The following ACBD5 variants were observed in gnomAD, a reference collection of about 807,000 sequenced individuals.
The protein encoded by ACBD5 is acyl-CoA binding domain containing 5.
ACBD5 carries 40 observed loss-of-function variants against 71.8 expected under a neutral mutation model. The observed-to-expected ratio is 0.56, with a 90% confidence interval of 0.43 to 0.72. The LOEUF (loss-of-function observed/expected upper bound fraction) is 0.72. ACBD5 is among the 30% of genes least tolerant of loss of function. The pLI, the probability that ACBD5 is intolerant of heterozygous loss-of-function variation, is 0.00. For synonymous variants in ACBD5, 229 were observed against 218.6 expected, an observed-to-expected ratio of 1.05 and a Z score of -0.42; for missense variants, 559 against 644.5, an observed-to-expected ratio of 0.87 and a Z score of 1.44.
chr10:27,230,587 C>T (rs531861612), intron 4 of ACBD5, among the ~76,000 whole-genome samples: 2 of 151,948 alleles, frequency 1.3e-5, no homozygotes, highest in South Asian at 2.1e-4. Context: ...ACCTGAGGTC[C>T]GGAATTTGAG....
chr10:27,216,349 C>T (rs1330789786), intron 7 of ACBD5, among the ~76,000 whole-genome samples: 2 of 152,178 alleles, frequency 1.3e-5, no homozygotes, highest in Non-Finnish European at 2.9e-5. Context: ...CCATGTTGGC[C>T]AGGCTGGTCT....
intron 13 of ACBD5, chr10:27,186,510 C>T (rs1377243982): frequency 1.9e-6 from 3 of 1,614,058 alleles, no homozygotes; most frequent in Non-Finnish European, 2.5e-6. Context: ...TGCTCAGCAC[C>T]TGACTGTATC....
intron 3 of ACBD5, among the ~76,000 whole-genome samples, chr10:27,232,047 T>C (rs984164459): frequency 2.0e-5 from 3 of 152,188 alleles, no homozygotes; most frequent in African/African-American, 4.8e-5. Context: ...TATGTAGTAA[T>C]GTACCAGAGA....
chr10:27,237,697 T>G (rs1374250645), intron 2 of ACBD5, among the ~76,000 whole-genome samples: 1 of 149,108 alleles, frequency 6.7e-6, no homozygotes, highest in East Asian at 2.0e-4. Flanking sequence ...CTCAGCTGAC[T>G]GCAACCTCCG....
At position 27,219,718 on chromosome 10, in the gene ACBD5, A is replaced by C; in HGVS notation, c.625+5T>G. 1 of 1,613,716 alleles carries C rather than the reference A, an allele frequency of 6.2e-7. No individual in the cohort carries two copies. The highest frequency in any genetic ancestry group is 8.5e-7 in the Non-Finnish European group (1 of 1,179,786). ...AAAATTACTAACTGATTTTCCAAAC[A>C]TTACCATTATCACTTTGTTCTGCTC... On this transcript the variant is annotated splice_donor_5th_base_variant and intron_variant, in intron 6 of 12. Transcript: ENST00000396271.
chr10:27,202,980 T>TTC (rs2060084594), intron 12 of ACBD5, among the ~76,000 whole-genome samples: 1 of 132,696 alleles, frequency 7.5e-6, no homozygotes, highest in Admixed American at 7.7e-5. Flanking sequence ...TTTTTTTTTT[T>TTC]TTTTTTTTTT....
chr10:27,226,008 C>T (rs151332684), intron 4 of ACBD5, among the ~76,000 whole-genome samples: 97 of 152,088 alleles, frequency 6.4e-4, no homozygotes, highest in African/African-American at 1.4e-3. Flanking sequence ...AGTCTCAGAA[C>T]GAAATAAAAG....
intron 11 of ACBD5, 24 bp from the exon 12 acceptor site, chr10:27,204,573 C>A: frequency 1.3e-6 from 2 of 1,548,968 alleles, no homozygotes; most frequent in South Asian, 2.2e-5. Flanking sequence ...ATAAGCTTGT[C>A]ACCAATCTAT....
intron 4 of ACBD5, among the ~76,000 whole-genome samples, chr10:27,226,160 C>A (rs1397295484): frequency 6.6e-6 from 1 of 151,844 alleles, no homozygotes; most frequent in Admixed American, 6.6e-5. Context: ...TTTGTTTTTT[C>A]TTTTTCTTTT....
chr10:27,190,385 T>G (rs964597173), downstream of ACBD5, among the ~76,000 whole-genome samples: 1 of 152,222 alleles, frequency 6.6e-6, no homozygotes, highest in Non-Finnish European at 1.5e-5. Context: ...GGCCCACCTA[T>G]GTTAGAATTA....
At position 27,235,236 on chromosome 10, in the gene ACBD5, C is replaced by A. The variant is rs777657803; in HGVS notation, c.182-24G>T. The A allele has an allele frequency of 3.1e-6, 5 of 1,613,300 alleles. No homozygotes were observed. In the East Asian group the frequency reaches 1.1e-4, roughly 36 times the overall value. ...ACCTGTTGGAAACACACATTAAATACAAATCACCTGGGGAATACAACTGAT... is the reference window on the plus strand; with the variant it reads ...ACCTGTTGGAAACACACATTAAATAAAAATCACCTGGGGAATACAACTGAT... On this transcript the variant is annotated intron_variant, in intron 2 of 12. Coordinates refer to ENST00000396271, the MANE Select transcript of ACBD5 (RefSeq NM_145698.5).
intron 13 of ACBD5, among the ~76,000 whole-genome samples, chr10:27,185,225 A>T (rs1478787286): frequency 3.9e-5 from 6 of 152,196 alleles, no homozygotes; most frequent in African/African-American, 1.2e-4. Context: ...ACAGGTGGCA[A>T]GGCCTTAGAG....
chr10:27,219,765 C>T lies in ACBD5; in HGVS notation c.583G>A (p.Glu195Lys). ...SDSGAESEEE[E>K]AQEEVKGAEQ... Reference sequence around the variant, plus strand: ...GCTCCTTTCACTTCTTCTTGGGCCTCTTCTTCCTCAGACTCGGCTCCACTG... The same window carrying T: ...GCTCCTTTCACTTCTTCTTGGGCCTTTTCTTCCTCAGACTCGGCTCCACTG... The change falls in exon 6 of 13, where the codon GAG (glutamate) becomes AAG (lysine). Residue 195 changes from glutamate to lysine, a missense_variant. Transcript: ENST00000396271. The T allele has an allele frequency of 6.2e-7, 1 of 1,614,134 alleles. No individual in the cohort carries two copies. The highest frequency in any genetic ancestry group is 1.1e-5 in the South Asian group (1 of 91,086).
At chr10:27,229,553 A>C (rs1296006576) in intron 4 of ACBD5, among the ~76,000 whole-genome samples, 1 of 152,228 alleles carries the variant, frequency 6.6e-6, no homozygotes, top group Non-Finnish European at 1.5e-5. Context: ...TCAAAAAAAA[A>C]AGAATAATGA....
intron 4 of ACBD5, among the ~76,000 whole-genome samples, chr10:27,225,740 C>T (rs2062932361): frequency 6.6e-6 from 1 of 151,948 alleles, no homozygotes; most frequent in Non-Finnish European, 1.5e-5. Context: ...CAAGTCACAA[C>T]TAATAAATGG....
chr10:27,185,203 G>A (rs187931712), intron 13 of ACBD5, among the ~76,000 whole-genome samples: 197 of 152,272 alleles, frequency 1.3e-3, no homozygotes, highest in Admixed American at 7.4e-3. Context: ...GCTAAGGAGC[G>A]TGGTGATAGA....
At chr10:27,190,726 A>G (rs2059042891), downstream of ACBD5, among the ~76,000 whole-genome samples, 1 of 152,242 alleles carries the variant, frequency 6.6e-6, no homozygotes, top group Admixed American at 6.5e-5. Flanking sequence ...ACTGTGTGGA[A>G]AGTGTATTGT....
At chr10:27,200,000 A>G (rs2059752638) in intron 12 of ACBD5, among the ~76,000 whole-genome samples, 1 of 152,082 alleles carries the variant, frequency 6.6e-6, no homozygotes, top group South Asian at 2.1e-4. Flanking sequence ...GAAAAAAAAA[A>G]AAGGAAAACT....
chr10:27,219,942 A>T, intron 5 of ACBD5, 85 bp from the exon 6 acceptor site: 2 of 1,210,892 alleles, frequency 1.7e-6, no homozygotes, highest in South Asian at 3.0e-5. Flanking sequence ...AAAATTTACA[A>T]ATAACTAATA....
Sources: allele counts gnomAD v4.1 joint callset (sites outside exome capture counted in the v4.1 genomes callset), GRCh38; gene constraint gnomAD v4.1.1; transcripts MANE v1.5; gene names NCBI Gene and HGNC (gene_info 2026-07-23, HGNC 2026-07-21).